The following MED4 variants were observed in gnomAD, a reference collection of about 807,000 sequenced individuals.
MED4 encodes the protein mediator of RNA polymerase II transcription subunit 4.
MED4 carries 21 observed loss-of-function variants against 35.0 expected under a neutral mutation model. The observed-to-expected ratio is 0.60, with a 90% CI of 0.43 to 0.86. The LOEUF is 0.86. Among genes scored for constraint, MED4 ranks in the 40% least tolerant of loss-of-function variants. The pLI, the probability that MED4 is intolerant of heterozygous loss-of-function variation, is 0.00. For synonymous variants in MED4, 138 were observed against 114.0 expected (o/e 1.21, Z -1.34); for missense variants, 300 against 319.4 (o/e 0.94, Z 0.46).
At chr13:48,089,794 T>G (rs746615181) in intron 2 of MED4, among the ~76,000 whole-genome samples, 2 of 152,120 alleles carry the variant, frequency 1.3e-5, no homozygotes, top group Non-Finnish European at 2.9e-5. Flanking sequence ...AAATTTATCC[T>G]CTTACCTCTA....
In MED4 at chr13:48,079,901, T is replaced by C. The variant is rs1351026899; in HGVS notation, c.583A>G (p.Thr195Ala). The C allele has an allele frequency of 2.5e-6, 4 of 1,613,836 alleles. No individual in the cohort carries two copies. The highest frequency in any genetic ancestry group is 1.7e-5 in the Admixed American group (1 of 60,002). The change falls in exon 6 of 7, where the codon ACT (threonine) becomes GCT (alanine). Residue 195 changes from threonine (T) to alanine (A), a missense_variant. Coordinates refer to ENST00000258648, the MANE Select transcript of MED4 (RefSeq NM_014166.4). ...GGTAAATGGCCATTCACGCCATTAGTGGAAGGATTGTTCATCTGACCCAGT... is the reference window on the plus strand; with the variant it reads ...GGTAAATGGCCATTCACGCCATTAGCGGAAGGATTGTTCATCTGACCCAGT... ...GLLGQMNNPS[T>A]NGVNGHLPGD...
In MED4 at chr13:48,079,900, G is replaced by C. The variant is rs1950792192; in HGVS notation, c.584C>G (p.Thr195Ser). Residue 195 changes from threonine to serine, a missense_variant, in exon 6 of 7, where the codon ACT (threonine) becomes AGT (serine). Physicochemically the swap from Thr to Ser is moderately conservative, Grantham distance 58 (BLOSUM62 1). Coordinates refer to ENST00000258648, the MANE Select transcript of MED4 (RefSeq NM_014166.4). ...TGGTAAATGGCCATTCACGCCATTA[G>C]TGGAAGGATTGTTCATCTGACCCAG... is the stretch of plus-strand genomic sequence containing the variant. Reference protein sequence around the residue: ...GLLGQMNNPSTNGVNGHLPGD... With the variant: ...GLLGQMNNPSSNGVNGHLPGD... The C allele has an allele frequency of 1.2e-6, 2 of 1,613,814 alleles. No homozygotes were observed. Among genetic ancestry groups the C allele is most frequent in the East Asian group, 2.2e-5 (1 of 44,894 alleles).
intron 2 of MED4, among the ~76,000 whole-genome samples, chr13:48,087,305 G>A (rs879747815): frequency 4.6e-5 from 7 of 152,026 alleles, no homozygotes; most frequent in Admixed American, 1.3e-4. Flanking sequence ...CAGAGGCTGC[G>A]GTGAGCTGAG....
Position 48,079,952 on chromosome 13 carries a change from T to C in MED4, c.532A>G (p.Thr178Ala). 1.2e-6 allele frequency: 2 copies of C among 1,613,796 alleles called. No homozygotes were observed. The highest frequency in any genetic ancestry group is 1.7e-6 in the Non-Finnish European group (2 of 1,179,756). The change falls in exon 6 of 7, where the codon ACT (threonine) becomes GCT (alanine). Residue 178 changes from threonine to alanine, a missense_variant. Thr to Ala is a moderately conservative substitution (Grantham distance 58). Coordinates refer to ENST00000258648, the MANE Select transcript of MED4 (RefSeq NM_014166.4). ...VPGDPRRPYPTDLEMRSGLLG... is the reference protein window; with the variant it reads ...VPGDPRRPYPADLEMRSGLLG... ...AACCCACTTCTCATCTCTAAATCAG[T>C]TGGGTAGGGTCTCCGGGGGTCCCCT...
At chr13:48,081,940 A>G (rs59447207) in intron 4 of MED4, among the ~76,000 whole-genome samples, 5,368 of 152,336 alleles carry the variant, frequency 0.035, 213 homozygotes, top group East Asian at 0.097. Context: ...ATTAGCTGAC[A>G]TAAACAAATT....
chr13:48,090,274 A>G, intron 2 of MED4, 78 bp downstream of exon 2: 1 of 1,115,256 alleles, frequency 9.0e-7, no homozygotes, highest in Non-Finnish European at 1.3e-6. Context: ...TATAAAGAGG[A>G]AACTTGCAGA....
At chr13:48,094,617 C>G (rs1354631922) in intron 1 of MED4, among the ~76,000 whole-genome samples, 1 of 152,140 alleles carries the variant, frequency 6.6e-6, no homozygotes, top group Admixed American at 6.5e-5. Flanking sequence ...ACATCTGTCT[C>G]TCTCTCGACA....
At chr13:48,090,232 G>A (rs1950881135) in intron 2 of MED4, 120 bp downstream of exon 2, 5 of 736,302 alleles carry the variant, frequency 6.8e-6, no homozygotes, top group South Asian at 4.2e-5. Flanking sequence ...AACTTAAAAG[G>A]ATCCAACATT....
chr13:48,094,916 G>A (rs1234649308), intron 1 of MED4, 38 bp downstream of exon 1: 1 of 1,595,550 alleles, frequency 6.3e-7, no homozygotes, highest in Admixed American at 1.7e-5. Flanking sequence ...CAGTCCCCCG[G>A]CCCAGCTCCA....
At position 48,081,699 on chromosome 13, in the gene MED4, C is replaced by CT; in HGVS notation, c.453_454insA (p.Ala152SerfsTer3). On this transcript the variant is annotated frameshift_variant, in exon 5 of 7. Transcript: ENST00000258648. LOFTEE classifies it high-confidence loss of function. The stretch of plus-strand genomic sequence containing the variant: ...GCATTACTTGCACTGATCCTATGTG[C>CT]ATACTTAATTATTTCTTCAGAGGAG... 1 of 1,611,526 alleles carries CT rather than the reference C, an allele frequency of 6.2e-7. No individual in the cohort carries two copies. The highest frequency in any genetic ancestry group is 8.5e-7 in the Non-Finnish European group (1 of 1,178,966).
chr13:48,080,199 C>G (rs1193989849), intron 5 of MED4, among the ~76,000 whole-genome samples: 1 of 150,842 alleles, frequency 6.6e-6, no homozygotes, highest in Non-Finnish European at 1.5e-5. Flanking sequence ...AAGTTCAAGA[C>G]CAGCCTGGCC....
chr13:48,083,435 T>C lies in MED4; in HGVS notation c.364-7A>G, dbSNP rs1221901717. On this transcript the variant is annotated splice_region_variant and splice_polypyrimidine_tract_variant and intron_variant, in intron 3 of 6. Transcript: ENST00000258648. ...CTTGGTAAACAGCTGTTGCCTAATT[T>C]AAACAACATTTAAAAAACGTGGTTT... 5 of 1,609,430 alleles carry C rather than the reference T, an allele frequency of 3.1e-6. No individual in the cohort carries two copies. Among genetic ancestry groups the C allele is most frequent in the Non-Finnish European group, 4.2e-6 (5 of 1,178,596 alleles).
At chr13:48,084,998 C>G (rs551539883) in intron 3 of MED4, among the ~76,000 whole-genome samples, 1 of 151,996 alleles carries the variant, frequency 6.6e-6, no homozygotes. Flanking sequence ...TCCCAAGTAC[C>G]TGAGATTACA....
chr13:48,076,366 A>G lies in MED4; in HGVS notation c.*773T>C, dbSNP rs769652212. ...GTTGCTTTCCATTCTAAATCTTCAC[A>G]CAATCTATTCTTAAAATCAGACAAG... is the stretch of plus-strand genomic sequence containing the variant. On this transcript the variant is annotated 3_prime_UTR_variant, in exon 7 of 7. Transcript: ENST00000258648. 1.3e-5 allele frequency: 2 copies of G among 152,192 alleles called. No individual in the cohort carries two copies. The highest frequency in any genetic ancestry group is 2.9e-5 in the Non-Finnish European group (2 of 68,002). The allele number at this position is 152,192 out of a possible 1,614,324, so 9.4% of individuals were successfully genotyped here.
intron 1 of MED4, among the ~76,000 whole-genome samples, chr13:48,091,330 T>C (rs1400384436): frequency 6.6e-6 from 1 of 152,216 alleles, no homozygotes; most frequent in Non-Finnish European, 1.5e-5. Context: ...AGGTAATGTT[T>C]ATATATTAGT....
chr13:48,089,952 T>G (rs1326701437), intron 2 of MED4, among the ~76,000 whole-genome samples: 2 of 152,224 alleles, frequency 1.3e-5, no homozygotes, highest in African/African-American at 4.8e-5. Context: ...TTTCCCTGCA[T>G]GTTCAAGTTG....
Position 48,076,915 on chromosome 13 carries a change from T to C in MED4, c.*224A>G. 2.3e-6 allele frequency: 1 copy of C among 428,806 alleles called. No homozygotes were observed. Among genetic ancestry groups the C allele is most frequent in the Non-Finnish European group, 4.1e-6 (1 of 242,164 alleles). The allele number at this position is 428,806 out of a possible 1,614,324, so 26.6% of individuals were successfully genotyped here. A position where few individuals can be genotyped will look rare whatever the true frequency, so the allele number is the denominator to read the frequency against. On this transcript the variant is annotated 3_prime_UTR_variant, in exon 7 of 7. Coordinates refer to ENST00000258648, the MANE Select transcript of MED4 (RefSeq NM_014166.4). ...GCAACTGCTTTTTCAACAGTAAATTTTGACTATTCCCCTAAATATCTACCT... is the reference window on the plus strand; with the variant it reads ...GCAACTGCTTTTTCAACAGTAAATTCTGACTATTCCCCTAAATATCTACCT...
At chr13:48,079,791 TC>T (rs1361292144) in intron 6 of MED4, 52 bp downstream of exon 6, 1 of 1,579,752 alleles carries the variant, frequency 6.3e-7, no homozygotes, top group Non-Finnish European at 8.6e-7. Flanking sequence ...TCCAACCTTG[TC>T]ATCTCTGGAA....
intron 2 of MED4, among the ~76,000 whole-genome samples, chr13:48,090,073 C>T (rs1445525019): frequency 2.0e-5 from 3 of 151,900 alleles, no homozygotes; most frequent in Non-Finnish European, 4.4e-5. Flanking sequence ...ATTCAAAGGA[C>T]AAAAATAAAT....
Sources: allele counts gnomAD v4.1 joint callset (sites outside exome capture counted in the v4.1 genomes callset), GRCh38; gene constraint gnomAD v4.1.1; transcripts MANE v1.5; gene names NCBI Gene and HGNC (gene_info 2026-07-23, HGNC 2026-07-21).